Variants in HACL1 observed in about 807,000 individuals in gnomAD.
HACL1 encodes 1600020H07Rik.
Under a neutral mutation model 74.2 loss-of-function variants are expected in HACL1, and 64 were observed. The ratio of observed to expected loss-of-function variants is 0.86; its 90% CI spans 0.70 to 1.06. The LOEUF (loss-of-function observed/expected upper bound fraction) is 1.06. Among genes scored for constraint, HACL1 ranks in the 50% least tolerant of loss-of-function variants. HACL1 has a pLI of 0.00. For synonymous variants in HACL1, 230 were observed against 238.8 expected (o/e 0.96, Z 0.34); for missense variants, 728 against 719.7 (o/e 1.01, Z -0.13).
At chr3:15,567,322 G>A (rs1374851151) in intron 14 of HACL1, among the ~76,000 whole-genome samples, 1 of 144,852 alleles carries the variant, frequency 6.9e-6, no homozygotes, top group African/African-American at 2.6e-5. Context: ...CAACTCTTCT[G>A]CTTCAGCCTC....
At chr3:15,583,805 A>G (rs551209776) in intron 7 of HACL1, among the ~76,000 whole-genome samples, 1 of 151,936 alleles carries the variant, frequency 6.6e-6, no homozygotes, top group Non-Finnish European at 1.5e-5. Flanking sequence ...CTACAGGCAC[A>G]TGCCACCAAG....
At chr3:15,579,710 T>G (rs1274988302) in intron 9 of HACL1, among the ~76,000 whole-genome samples, 200 bp downstream of exon 9, 1 of 152,108 alleles carries the variant, frequency 6.6e-6, no homozygotes, top group Non-Finnish European at 1.5e-5. Context: ...AACAACATAT[T>G]ACATACAGAG....
At chr3:15,578,167 C>T (rs1559553321) in intron 9 of HACL1, among the ~76,000 whole-genome samples, 1 of 151,310 alleles carries the variant, frequency 6.6e-6, no homozygotes, top group Non-Finnish European at 1.5e-5. Context: ...TGATGCAATC[C>T]TACTTCTTAT....
intron 5 of HACL1, among the ~76,000 whole-genome samples, chr3:15,586,996 T>C (rs780387964): frequency 2.6e-5 from 4 of 152,222 alleles, no homozygotes; most frequent in Non-Finnish European, 5.9e-5. Flanking sequence ...ACTTCATCTG[T>C]TAGATTTTGT....
rs1170757888 is a variant in HACL1, at chr3:15,591,581, G to C, written c.308+19C>G. Reference sequence around the variant, plus strand: ...TGACCTTTTTAAGAAAATGTTTTCAGTAATAATAATGTCATTACCAGCAGT... The same window carrying C: ...TGACCTTTTTAAGAAAATGTTTTCACTAATAATAATGTCATTACCAGCAGT... On this transcript the variant is annotated intron_variant, in intron 4 of 16. Transcript: ENST00000321169. 6.9e-7 allele frequency: 1 copy of C among 1,443,518 alleles called. No individual in the cohort carries two copies. Among genetic ancestry groups the C allele is most frequent in the East Asian group, 2.3e-5 (1 of 43,922 alleles). 89.4% of individuals were successfully genotyped at this position (1,443,518 alleles called of 1,614,324 possible). A position where few individuals can be genotyped will look rare whatever the true frequency, so the allele number is the denominator to read the frequency against.
At chr3:15,592,077 T>TATAC (rs959654089) in intron 3 of HACL1, among the ~76,000 whole-genome samples, 2 of 133,762 alleles carry the variant, frequency 1.5e-5, no homozygotes, top group African/African-American at 3.0e-5. Flanking sequence ...TATATACGTA[T>TATAC]ACGTATATAT....
chr3:15,601,362 T>A (rs768937650), intron 1 of HACL1, 21 bp downstream of exon 1: 1 of 1,614,002 alleles, frequency 6.2e-7, no homozygotes, highest in Admixed American at 1.7e-5. Context: ...GAGCCTTTCA[T>A]TCCAGGAAGG....
In HACL1 at chr3:15,601,564, A is replaced by C. The variant is rs1237624434; in HGVS notation, c.-101T>G. On this transcript the variant is annotated 5_prime_UTR_variant, in exon 1 of 17. Coordinates refer to ENST00000321169, the MANE Select transcript of HACL1 (RefSeq NM_012260.4). ...GGCAGCACGCCACCTCTGGTACTGC[A>C]CCTCTGACGGACAGGAGGGCAACCA... is the stretch of plus-strand genomic sequence containing the variant. 2 of 1,600,844 alleles carry C rather than the reference A, an allele frequency of 1.2e-6. No individual in the cohort carries two copies. Among genetic ancestry groups the C allele is most frequent in the Non-Finnish European group, 8.5e-7 (1 of 1,177,712 alleles).
At chr3:15,575,326 T>C (rs1316289691) in intron 9 of HACL1, among the ~76,000 whole-genome samples, 2 of 152,152 alleles carry the variant, frequency 1.3e-5, no homozygotes, top group African/African-American at 4.8e-5. Context: ...CACTCTTTTA[T>C]TACTTTTTTA....
In HACL1 at chr3:15,571,704, CAG is replaced by C. The variant is rs759468714; in HGVS notation, c.1057_1058del (p.Leu353GlufsTer8). On this transcript the variant is annotated frameshift_variant, in exon 12 of 17. Coordinates refer to ENST00000321169, the MANE Select transcript of HACL1 (RefSeq NM_012260.4). LOFTEE classifies it high-confidence loss of function. ...CTTCATTGCTCTTCATTTTTTCTCT[CAG>C]AGTTTTCCACCACTTGCTCTCTGGA... is the stretch of plus-strand genomic sequence containing the variant. Reference protein sequence around the residue: ...YPPESKWWKTLREKMKSNEAA... With the variant: ...YPPESKWWKTXREKMKSNEAA... 7 of 1,548,480 alleles carry C rather than the reference CAG, an allele frequency of 4.5e-6. No individual in the cohort carries two copies. Among genetic ancestry groups the C allele is most frequent in the Non-Finnish European group, 6.2e-6 (7 of 1,122,710 alleles).
In HACL1 at chr3:15,567,868, C is replaced by T; in HGVS notation, c.1385G>A (p.Gly462Asp). Residue 462 changes from glycine to aspartate, a missense_variant, in exon 14 of 17, where the codon GGC (glycine) becomes GAC (aspartate). Coordinates refer to ENST00000321169, the MANE Select transcript of HACL1 (RefSeq NM_012260.4). ...VEGDSAFGFS[G>D]MEVETICRYN... The stretch of plus-strand genomic sequence containing the variant: ...CCTGCAGATGGTTTCTACCTCCATG[C>T]CAGAAAACCCAAATGCACTGTCTCC... 6.2e-7 allele frequency: 1 copy of T among 1,613,962 alleles called. No individual in the cohort carries two copies. Among genetic ancestry groups the T allele is most frequent in the African/African-American group, 1.3e-5 (1 of 75,052 alleles).
intron 3 of HACL1, chr3:15,595,925 T>C (rs2064055023): frequency 1.3e-5 from 2 of 152,950 alleles, no homozygotes; most frequent in Admixed American, 1.3e-4. Context: ...TTCATTTTCT[T>C]CTTTGTGCTT....
rs543468994 is a variant in HACL1, at chr3:15,571,164, G to T, written c.1095+504C>A. ...TGGCTTTTCTTTTTTTTTTTGTAGAGACAAGGTCTTGCTATGCCCAGGTTG... is the reference window on the plus strand; with the variant it reads ...TGGCTTTTCTTTTTTTTTTTGTAGATACAAGGTCTTGCTATGCCCAGGTTG... On this transcript the variant is annotated intron_variant, in intron 12 of 16. Coordinates refer to ENST00000321169, the MANE Select transcript of HACL1 (RefSeq NM_012260.4). Among the ~76,000 whole-genome samples the T allele has an allele frequency of 9.9e-5, 15 of 151,134 alleles. No homozygotes were observed. The South Asian group carries it at 2.9e-3, about 30-fold the overall frequency.
Position 15,582,965 on chromosome 3 carries a change from A to T in HACL1, c.579T>A (p.Pro193=). 6.2e-7 allele frequency: 1 copy of T among 1,607,170 alleles called. No individual in the cohort carries two copies. The highest frequency in any genetic ancestry group is 8.5e-7 in the Non-Finnish European group (1 of 1,174,356). The change falls in exon 8 of 17, where the codon CCT becomes CCA. Residue 193 remains proline, a synonymous_variant. Coordinates refer to ENST00000321169, the MANE Select transcript of HACL1 (RefSeq NM_012260.4). ...SIKYMERCMS[P]PISMAETSAV... ...CAGAGGTTTCTGCCATGCTAATAGG[A>T]GGTGACATGCAGCGTTCCATGTACC...
At chr3:15,592,417 CACACACGTATGCATGTAG>C (rs1390626618) in intron 3 of HACL1, among the ~76,000 whole-genome samples, 4 of 148,682 alleles carry the variant, frequency 2.7e-5, no homozygotes, top group East Asian at 2.0e-4. Flanking sequence ...CACACGTATA[CACACACGTATGCATGTAG>C]ACACACGTAT....
intron 4 of HACL1, 40 bp from the exon 5 acceptor site, chr3:15,589,652 G>T: frequency 8.2e-7 from 1 of 1,212,936 alleles, no homozygotes; most frequent in South Asian, 1.2e-5. Flanking sequence ...TTACAAATTA[G>T]ATCATCATGT....
intron 12 of HACL1, 94 bp from the exon 13 acceptor site, chr3:15,568,680 G>GC (rs2125232786): frequency 1.3e-6 from 1 of 745,812 alleles, no homozygotes; most frequent in East Asian, 2.5e-5. Flanking sequence ...TTGGAAATAC[G>GC]CAACAACTAC....
At chr3:15,573,758 G>A (rs1239171989) in intron 10 of HACL1, among the ~76,000 whole-genome samples, 1 of 152,140 alleles carries the variant, frequency 6.6e-6, no homozygotes, top group African/African-American at 2.4e-5. Flanking sequence ...CTGGCCCAGG[G>A]AACCACATTT....
intron 11 of HACL1, among the ~76,000 whole-genome samples, chr3:15,572,170 A>T (rs905687849): frequency 6.6e-6 from 1 of 152,130 alleles, no homozygotes; most frequent in African/African-American, 2.4e-5. Flanking sequence ...AAATCATATT[A>T]ACACGGAAGT....
Sources: allele counts gnomAD v4.1 joint callset (sites outside exome capture counted in the v4.1 genomes callset), GRCh38; gene constraint gnomAD v4.1.1; transcripts MANE v1.5; gene names NCBI Gene and HGNC (gene_info 2026-07-23, HGNC 2026-07-21).